JPH3: variants seen among roughly 807,000 people sequenced by gnomAD.
The protein encoded by JPH3 is junctophilin-3.
Under a neutral mutation model 59.6 loss-of-function variants are expected in JPH3, and 11 were observed. The observed-to-expected ratio is 0.18, with a 90% CI of 0.12 to 0.31. JPH3 has a LOEUF of 0.31. Among genes scored for constraint, JPH3 ranks in the 10% least tolerant of loss-of-function variants. The pLI, the probability that JPH3 is intolerant of heterozygous loss-of-function variation, is 1.00. For synonymous variants in JPH3, 673 were observed against 483.6 expected (o/e 1.39, Z -5.14); for missense variants, 1,202 against 1,105.7 (o/e 1.09, Z -1.24).
chr16:87,650,704 A>G (rs868310341), intron 2 of JPH3, among the ~76,000 whole-genome samples: 1 of 152,256 alleles, frequency 6.6e-6, no homozygotes, highest in Non-Finnish European at 1.5e-5. Flanking sequence ...TGAAGAGAAG[A>G]TCAAACTAAC....
Position 87,662,712 on chromosome 16 carries a change from A to G in JPH3, c.1160+17677A>G, listed in dbSNP as rs534604113. Among the ~76,000 whole-genome samples, 470 of 152,338 alleles carry G rather than the reference A, an allele frequency of 3.1e-3. 2 individuals are homozygous for G. Among genetic ancestry groups the G allele is most frequent in the African/African-American group, 0.011 (459 of 41,570 alleles). On this transcript the variant is annotated intron_variant, in intron 2 of 4. Transcript: ENST00000284262. The stretch of plus-strand genomic sequence containing the variant: ...TACCTGCCTTGGGGGCTTGACTGGC[A>G]GGCTGCTTTCCTCTGGCTCATCTTG...
intron 1 of JPH3, among the ~76,000 whole-genome samples, chr16:87,620,871 G>A (rs1033161516): frequency 2.6e-5 from 4 of 152,164 alleles, no homozygotes; most frequent in African/African-American, 7.2e-5. Flanking sequence ...AAAGAAACTG[G>A]GCCCCTGGGC....
At chr16:87,684,896 G>A (rs1041396207) in intron 3 of JPH3, among the ~76,000 whole-genome samples, 25 of 152,056 alleles carry the variant, frequency 1.6e-4, no homozygotes, top group Admixed American at 7.2e-4. Flanking sequence ...GGTGGGTGGC[G>A]GAGAGGCCGT....
chr16:87,659,374 C>CAAAAAAAAAAAAAAAAAAA lies in JPH3; in HGVS notation c.1160+14351_1160+14352insAAAAAAAAAAAAAAAAAAA, dbSNP rs1354448370. ...CCTGGGTGACAGAGTAAGACTGTCT[C>CAAAAAAAAAAAAAAAAAAA]AAAAAAAAAAAAGAAAAAAAAAAAG... On this transcript the variant is annotated intron_variant, in intron 2 of 4. Transcript: ENST00000284262. 1.6e-3 allele frequency among the ~76,000 whole-genome samples: 116 copies of CAAAAAAAAAAAAAAAAAAA among 74,496 alleles called. 3 individuals carry two copies. Among genetic ancestry groups the CAAAAAAAAAAAAAAAAAAA allele is most frequent in the Non-Finnish European group, 1.7e-3 (68 of 39,300 alleles). The allele number at this position is 74,496 out of a possible 152,430, so 48.9% of individuals were successfully genotyped here.
At position 87,616,190 on chromosome 16, in the gene JPH3, TTGTGTGTGTGTGTGTGTGTGTG is replaced by T. The variant is rs56053716; in HGVS notation, c.382+12688_382+12709del. On this transcript the variant is annotated intron_variant, in intron 1 of 4. Transcript: ENST00000284262. ...AGCAGAACAGCAACGCAATCTGGTTTTGTGTGTGTGTGTGTGTGTGTGTGTGTGTGTGTGTGTGTGTGTGTGT... is the reference window on the plus strand; with the variant it reads ...AGCAGAACAGCAACGCAATCTGGTTTTGTGTGTGTGTGTGTGTGTGTGTGT... 3.1e-4 allele frequency among the ~76,000 whole-genome samples: 36 copies of T among 116,018 alleles called. 1 individual carries two copies. The South Asian group carries it at 8.0e-3, about 26-fold the overall frequency. The allele number at this position is 116,018 out of a possible 152,430, so 76.1% of individuals were successfully genotyped here. A position where few individuals can be genotyped will look rare whatever the true frequency, so the allele number is the denominator to read the frequency against.
At chr16:87,658,089 C>T (rs554274765) in intron 2 of JPH3, among the ~76,000 whole-genome samples, 3 of 152,338 alleles carry the variant, frequency 2.0e-5, no homozygotes, top group East Asian at 1.9e-4. Context: ...AGGCACCATG[C>T]GGCCCACGCT....
At chr16:87,635,556 A>G (rs1253323729) in intron 1 of JPH3, among the ~76,000 whole-genome samples, 1 of 152,132 alleles carries the variant, frequency 6.6e-6, no homozygotes, top group Non-Finnish European at 1.5e-5. Flanking sequence ...GTCCCAGCGG[A>G]TCTCCGAGCA....
At chr16:87,648,258 AAAG>A (rs1020293762) in intron 2 of JPH3, among the ~76,000 whole-genome samples, 8 of 152,178 alleles carry the variant, frequency 5.3e-5, no homozygotes, top group African/African-American at 1.9e-4. Context: ...AAAAGGAAAA[AAAG>A]GAGGGAAGAG....
chr16:87,662,049 AC>A (rs769868289), intron 2 of JPH3, among the ~76,000 whole-genome samples: 1 of 152,256 alleles, frequency 6.6e-6, no homozygotes, highest in Non-Finnish European at 1.5e-5. Context: ...AAGGAATTTA[AC>A]ATTTCAAAAT....
intron 2 of JPH3, among the ~76,000 whole-genome samples, chr16:87,679,584 A>G (rs1008342409): frequency 6.6e-6 from 1 of 151,562 alleles, no homozygotes; most frequent in Non-Finnish European, 1.5e-5. Flanking sequence ...AACCCTGCCA[A>G]TCCTTGCCTT....
intron 2 of JPH3, 149 bp downstream of exon 2, chr16:87,645,184 C>T (rs1416693551): frequency 1.2e-6 from 1 of 802,670 alleles, no homozygotes; most frequent in African/African-American, 1.7e-5. Context: ...CCCCATGGAA[C>T]CCTAGGGTTC....
At chr16:87,634,050 G>T (rs150939055) in intron 1 of JPH3, among the ~76,000 whole-genome samples, 1 of 152,180 alleles carries the variant, frequency 6.6e-6, no homozygotes, top group African/African-American at 2.4e-5. Flanking sequence ...TGAAACGGCC[G>T]TGCAATGAAT....
chr16:87,648,327 C>T (rs774505288), intron 2 of JPH3, among the ~76,000 whole-genome samples: 2 of 152,154 alleles, frequency 1.3e-5, no homozygotes, highest in Admixed American at 6.5e-5. Context: ...CGCCCACAGC[C>T]CCAGGGCCAA....
At chr16:87,639,622 GGCC>G (rs2031874446) in intron 1 of JPH3, among the ~76,000 whole-genome samples, 1 of 149,816 alleles carries the variant, frequency 6.7e-6, no homozygotes, top group Non-Finnish European at 1.5e-5. Flanking sequence ...CCTCCCTCCT[GGCC>G]TCCCTCCTGG....
intron 2 of JPH3, among the ~76,000 whole-genome samples, chr16:87,682,357 C>G (rs2033316843): frequency 6.6e-6 from 1 of 152,106 alleles, no homozygotes; most frequent in African/African-American, 2.4e-5. Context: ...GATGGGGGGT[C>G]AGGCTGCGTA....
chr16:87,650,380 T>C (rs1327631416), intron 2 of JPH3, among the ~76,000 whole-genome samples: 3 of 152,138 alleles, frequency 2.0e-5, no homozygotes, highest in East Asian at 3.9e-4. Context: ...CCCATCCCTC[T>C]CTCTCCTCTG....
In JPH3 at chr16:87,659,958, G is replaced by A. The variant is rs571283621; in HGVS notation, c.1160+14923G>A. 7.9e-5 allele frequency among the ~76,000 whole-genome samples: 12 copies of A among 152,240 alleles called. No individual in the cohort carries two copies. In the South Asian group the frequency reaches 1.2e-3, roughly 16 times the overall value. The stretch of plus-strand genomic sequence containing the variant: ...GAGAGGGATAGCATGGCCCTGCTCC[G>A]TCCCTTCTGGGCCCGTTGAGCTCTG... On this transcript the variant is annotated intron_variant, in intron 2 of 4. Transcript: ENST00000284262.
intron 4 of JPH3, 67 bp from the exon 5 acceptor site, chr16:87,696,513 G>A (rs2033863711): frequency 7.7e-7 from 1 of 1,303,484 alleles, no homozygotes. Flanking sequence ...ACGTGGGTGG[G>A]AGGCGTGGTG....
chr16:87,658,570 C>G (rs886823269), intron 2 of JPH3, among the ~76,000 whole-genome samples: 2 of 152,156 alleles, frequency 1.3e-5, no homozygotes, highest in South Asian at 4.1e-4. Flanking sequence ...CCCCCTGTTT[C>G]TCTATCTCTT....
Sources: gnomAD v4.1 joint callset for allele counts (sites outside exome capture counted in the v4.1 genomes callset) on GRCh38, gnomAD v4.1.1 for gene constraint, MANE v1.5 for transcripts, NCBI Gene and HGNC (gene_info 2026-07-23, HGNC 2026-07-21) for gene names.